The following SREBF1 variants were observed in gnomAD, a reference collection of about 807,000 sequenced individuals.
SREBF1 encodes sterol regulatory element-binding protein 1.
In SREBF1, 45 loss-of-function variants were observed where a neutral mutation model predicts 100.1. That is an observed-to-expected ratio of 0.45 (90% CI 0.35 to 0.58). SREBF1 has a LOEUF of 0.58. SREBF1 is among the 20% of genes least tolerant of loss of function. SREBF1 has a pLI of 0.00. For synonymous variants in SREBF1, 657 were observed against 681.8 expected (o/e 0.96, Z 0.57); for missense variants, 1,324 against 1,539.4 (o/e 0.86, Z 2.34).
intron 1 of SREBF1, among the ~76,000 whole-genome samples, chr17:17,826,282 CTTTT>C (rs34759145): frequency 1.5e-5 from 2 of 137,694 alleles, no homozygotes; most frequent in Non-Finnish European, 3.2e-5. Flanking sequence ...TCGACTGAGT[CTTTT>C]TTTTTTTTTT....
rs764938327 is a variant in SREBF1 at position 17,819,359 on chromosome 17, G to A, written c.807C>T (p.Pro269=). ...GATVKAAGLS[P]LVSGTTVQTG... ...TCTGCACAGTGGTGCCAGAGACCAG[G>A]GGACTGAGACCTGCCGCCTTCACAG... is the stretch of plus-strand genomic sequence containing the variant. The change falls in exon 4 of 19, where the codon CCC becomes CCT. Residue 269 remains proline, a synonymous_variant. Transcript: ENST00000261646. The A allele has an allele frequency of 1.2e-6, 2 of 1,613,836 alleles. No individual in the cohort carries two copies. The highest frequency in any genetic ancestry group is 2.2e-5 in the South Asian group (2 of 91,084).
chr17:17,814,388 G>C lies in SREBF1; in HGVS notation c.2758C>G (p.Leu920Val), dbSNP rs1379286998. Residue 920 changes from leucine (L) to valine (V), a missense_variant, in exon 16 of 19, where the codon CTG becomes GTG. Physicochemically the swap from Leu to Val is conservative, Grantham distance 32. Coordinates refer to ENST00000261646, the MANE Select transcript of SREBF1 (RefSeq NM_004176.5). The stretch of plus-strand genomic sequence containing the variant: ...GCCCGGGCAGCCTTGAAGGAGTGCA[G>C]AGCTGCCCTGGGCAGGGGTCTCCTG... ...ESERPLPRAA[L>V]HSFKAARALL... 1.3e-6 allele frequency: 2 copies of C among 1,561,052 alleles called. No homozygotes were observed. The highest frequency in any genetic ancestry group is 1.9e-5 in the Admixed American group (1 of 52,414).
Position 17,817,691 on chromosome 17 carries a change from C to T in SREBF1, c.1404+5G>A. The T allele has an allele frequency of 2.5e-6, 4 of 1,613,020 alleles. No homozygotes were observed. Among genetic ancestry groups the T allele is most frequent in the Non-Finnish European group, 3.4e-6 (4 of 1,179,898 alleles). ...GGGGAAGGGGGCACCGTGGCAGGGC[C>T]CAACCTTGCTGTCCTCAAAGACTGG... On this transcript the variant is annotated splice_donor_5th_base_variant and intron_variant, in intron 7 of 18. Transcript: ENST00000261646. The surrounding 1 kb of genome is among the most constrained non-coding windows in gnomAD (Gnocchi z 6.6).
At chr17:17,816,182 G>GCCCCCCCCCCCCCCCCCCCCCCCCCCCC in intron 11 of SREBF1, 25 bp downstream of exon 11, 1 of 81,146 alleles carries the variant, frequency 1.2e-5, no homozygotes, top group African/African-American at 2.3e-4. Context: ...GCAGGGATAA[G>GCCCCCCCCCCCCCCCCCCCCCCCCCCCC]CCCCCAGCCC....
rs1446898370 is a variant in SREBF1, at chr17:17,813,666, C to T, written c.3005G>A (p.Ser1002Asn). ...APAPAAQGTS[S>N]RPQASALELR... ...CTCAAGGGCGGAAGCCTGGGGCCTG[C>T]TGCTGGTGCCCTGGGCTGCTGGGGC... Residue 1002 changes from serine to asparagine, a missense_variant, in exon 17 of 19, where the codon AGC becomes AAC. Physicochemically the swap from Ser to Asn is conservative, Grantham distance 46. Transcript: ENST00000261646. 7.7e-6 allele frequency: 12 copies of T among 1,553,140 alleles called. No homozygotes were observed. In the African/African-American group the frequency reaches 1.5e-4, roughly 19 times the overall value.
intron 1 of SREBF1, among the ~76,000 whole-genome samples, chr17:17,828,178 C>T (rs1367855235): frequency 6.6e-6 from 1 of 152,218 alleles, no homozygotes; most frequent in Non-Finnish European, 1.5e-5. Flanking sequence ...TCTCCCTGGG[C>T]CTCCCTTTCC....
At chr17:17,818,407 G>A (rs1489162183) in intron 5 of SREBF1, 33 bp from the exon 6 acceptor site, 1 of 1,561,278 alleles carries the variant, frequency 6.4e-7, no homozygotes, top group Non-Finnish European at 8.8e-7. Flanking sequence ...GGAGCGCACA[G>A]GTGGCCTGTC....
rs2032889931 is a variant in SREBF1, at chr17:17,811,863, G to A, written c.*759C>T. 6.9e-6 allele frequency: 3 copies of A among 437,408 alleles called. No homozygotes were observed. Among genetic ancestry groups the A allele is most frequent in the Admixed American group, 2.6e-5 (1 of 37,996 alleles). 27.1% of individuals were successfully genotyped at this position (437,408 alleles called of 1,614,324 possible). A position where few individuals can be genotyped will look rare whatever the true frequency, so the allele number is the denominator to read the frequency against. ...CTAAGGGTTGACACAGCCCAACCATGTGCCCTGGGAGCAGGGGGAACAGGT... is the reference window on the plus strand; with the variant it reads ...CTAAGGGTTGACACAGCCCAACCATATGCCCTGGGAGCAGGGGGAACAGGT... On this transcript the variant is annotated 3_prime_UTR_variant, in exon 19 of 19. Coordinates refer to ENST00000261646, the MANE Select transcript of SREBF1 (RefSeq NM_004176.5).
chr17:17,814,070 C>A (rs893144215), intron 16 of SREBF1, 175 bp downstream of exon 16: 5 of 758,808 alleles, frequency 6.6e-6, no homozygotes, highest in Non-Finnish European at 1.1e-5. Context: ...ATAGGGGCAA[C>A]CCCTCTCCTC....
In SREBF1 at chr17:17,814,280, G is replaced by A. The variant is rs2033295541; in HGVS notation, c.2866C>T (p.Leu956=). 2 of 1,605,034 alleles carry A rather than the reference G, an allele frequency of 1.2e-6. No homozygotes were observed. The highest frequency in any genetic ancestry group is 1.3e-5 in the African/African-American group (1 of 74,874). The change falls in exon 16 of 19, where the codon CTG becomes TTG. Residue 956 remains leucine (L), a synonymous_variant. Transcript: ENST00000261646. ...GAGCTGCTGGCTGGTGTGGTAGCCA[G>A]GCTGTCCTGCAGGTACCCACTGGCC... is the stretch of plus-strand genomic sequence containing the variant. ...EKASGYLQDS[L]ATTPASSSID... is the part of the protein sequence containing the mutation.
rs982757864 is a variant in SREBF1 at position 17,836,577 on chromosome 17, C to T, written c.91+150G>A. ...GGAACCAGGGAGGCTCGGTGAGGCT[C>T]GGGACACCGAGCTCAGAGACACCGG... On this transcript the variant is annotated intron_variant, in intron 1 of 18. Coordinates refer to ENST00000261646, the MANE Select transcript of SREBF1 (RefSeq NM_004176.5). 33 of 794,558 alleles carry T rather than the reference C, an allele frequency of 4.2e-5. No individual in the cohort carries two copies. The African/African-American group carries it at 5.6e-4, about 13-fold the overall frequency. 49.2% of individuals were successfully genotyped at this position (794,558 alleles called of 1,614,324 possible). A position where few individuals can be genotyped will look rare whatever the true frequency, so the allele number is the denominator to read the frequency against.
intron 1 of SREBF1, among the ~76,000 whole-genome samples, chr17:17,823,335 C>T (rs1054807770): frequency 2.0e-5 from 3 of 152,158 alleles, no homozygotes; most frequent in African/African-American, 7.2e-5. Flanking sequence ...TTGCAGGGGA[C>T]ACTAATTTGG....
intron 1 of SREBF1, among the ~76,000 whole-genome samples, chr17:17,827,139 C>T (rs2034539773): frequency 6.6e-6 from 1 of 152,130 alleles, no homozygotes; most frequent in African/African-American, 2.4e-5. Context: ...CTGCAGTGGG[C>T]GTGGGCAGGA....
rs2033527785 is a variant in SREBF1 at position 17,816,036 on chromosome 17, G to A, written c.2215-8C>T. 6.2e-7 allele frequency: 1 copy of A among 1,611,262 alleles called. No individual in the cohort carries two copies. Among genetic ancestry groups the A allele is most frequent in the African/African-American group, 1.3e-5 (1 of 74,982 alleles). The stretch of plus-strand genomic sequence containing the variant: ...ACTGCTCAGGAAGAAGCGCTGTAGG[G>A]GAGGGTACTGGGCTGTCACAGTGGA... On this transcript the variant is annotated splice_region_variant and splice_polypyrimidine_tract_variant and intron_variant, in intron 11 of 18. Coordinates refer to ENST00000261646, the MANE Select transcript of SREBF1 (RefSeq NM_004176.5).
At chr17:17,813,856 C>T (rs2033230899) in intron 16 of SREBF1, 87 bp from the exon 17 acceptor site, 8 of 1,356,110 alleles carry the variant, frequency 5.9e-6, no homozygotes, top group South Asian at 1.3e-5. Flanking sequence ...GGGCCGGCTC[C>T]GGGCTGCACT....
chr17:17,818,434 G>T, intron 5 of SREBF1, 60 bp from the exon 6 acceptor site: 1 of 1,309,046 alleles, frequency 7.6e-7, no homozygotes, highest in Non-Finnish European at 1.1e-6. Context: ...GGGGTTGTGG[G>T]GTTGGAGAGC....
Position 17,811,919 on chromosome 17 carries a change from ACTC to A in SREBF1, c.*700_*702del. On this transcript the variant is annotated 3_prime_UTR_variant, in exon 19 of 19. Transcript: ENST00000261646. The stretch of plus-strand genomic sequence containing the variant: ...GGAGGCCATACAGCCAGCCCTCCCC[ACTC>A]CTCCCACTAACAAACAAACATCGGG... 2.3e-6 allele frequency: 1 copy of A among 443,666 alleles called. No homozygotes were observed. Among genetic ancestry groups the A allele is most frequent in the South Asian group, 1.6e-5 (1 of 62,664 alleles). The allele number at this position is 443,666 out of a possible 1,614,324, so 27.5% of individuals were successfully genotyped here.
Position 17,815,250 on chromosome 17 carries a change from G to T in SREBF1, c.2463C>A (p.Asn821Lys), listed in dbSNP as rs961525966. The T allele has an allele frequency of 1.5e-5, 24 of 1,613,696 alleles. No individual in the cohort carries two copies. Among genetic ancestry groups the T allele is most frequent in the Non-Finnish European group, 1.9e-5 (23 of 1,180,012 alleles). Residue 821 changes from asparagine (N) to lysine (K), a missense_variant, in exon 13 of 19, where the codon AAC becomes AAA. Coordinates refer to ENST00000261646, the MANE Select transcript of SREBF1 (RefSeq NM_004176.5). ...CCCCATCAGCTGACCCAGGGCTGGGGTTGGGCTGGGTCACACAGTTCAGTG... is the reference window on the plus strand; with the variant it reads ...CCCCATCAGCTGACCCAGGGCTGGGTTTGGGCTGGGTCACACAGTTCAGTG... ...ERALNCVTQP[N>K]PSPGSADGDK...
intron 1 of SREBF1, among the ~76,000 whole-genome samples, chr17:17,833,420 C>CAAAAAAA (rs56369932): frequency 1.2e-4 from 6 of 51,082 alleles, no homozygotes; most frequent in Non-Finnish European, 1.8e-4. Flanking sequence ...GACTCCGTCT[C>CAAAAAAA]AAAAAAAAAA....
Sources: gnomAD v4.1 joint callset for allele counts (sites outside exome capture counted in the v4.1 genomes callset) on GRCh38, gnomAD v4.1.1 for gene constraint, Gnocchi (gnomAD v3.1) non-coding constraint, MANE v1.5 for transcripts, NCBI Gene and HGNC (gene_info 2026-07-23, HGNC 2026-07-21) for gene names.